Variants in SLC25A42 observed in about 807,000 individuals in gnomAD.
SLC25A42 encodes solute carrier family 25 member 42, also known as mitochondrial coenzyme A transporter SLC25A42.
A neutral mutation model predicts 34.7 loss-of-function variants in SLC25A42; 19 were observed. The ratio of observed to expected loss-of-function variants is 0.55; its 90% CI spans 0.38 to 0.80. The LOEUF (loss-of-function observed/expected upper bound fraction) is 0.80, where lower values mean the gene tolerates loss of function less well. Ranked by LOEUF, SLC25A42 falls within the 30% of genes least tolerant of loss-of-function variation. The pLI, the probability that SLC25A42 is intolerant of heterozygous loss-of-function variation, is 0.00. For missense variants in SLC25A42, 364 were observed against 441.3 expected (o/e 0.82, Z 1.57); for synonymous variants, 205 against 191.2 (o/e 1.07, Z -0.59).
chr19:19,073,140 T>G (rs575353102), intron 1 of SLC25A42, among the ~76,000 whole-genome samples: 17 of 152,306 alleles, frequency 1.1e-4, no homozygotes, highest in Admixed American at 3.3e-4. Context: ...TGGTGCATTC[T>G]TGCTGCTGTG....
rs540710174 is a variant in SLC25A42, at chr19:19,093,233, C to A, written c.-34-2858C>A. 2.6e-5 allele frequency among the ~76,000 whole-genome samples: 4 copies of A among 152,276 alleles called. No homozygotes were observed. In the East Asian group the frequency reaches 7.7e-4, roughly 29 times the overall value. On this transcript the variant is annotated intron_variant, in intron 1 of 7. Transcript: ENST00000318596. ...GTCTCACTATGTTGCCCAGGCTTGTCTCAAACTCCTGGGCTCAAGCGATCC... is the reference window on the plus strand; with the variant it reads ...GTCTCACTATGTTGCCCAGGCTTGTATCAAACTCCTGGGCTCAAGCGATCC...
Position 19,110,850 on chromosome 19 carries a change from A to G in SLC25A42, c.931A>G (p.Ile311Val). 6.2e-7 allele frequency: 1 copy of G among 1,613,894 alleles called. No individual in the cohort carries two copies. Among genetic ancestry groups the G allele is most frequent in the East Asian group, 2.2e-5 (1 of 44,864 alleles). ...ISFTTFDLMQ[I>V]LLRHLQS ...CTTCACCACCTTCGACCTCATGCAG[A>G]TCCTGCTGCGGCACCTGCAGAGCTA... Residue 311 changes from isoleucine to valine, a missense_variant, in exon 8 of 8, where the codon ATC becomes GTC. Coordinates refer to ENST00000318596, the MANE Select transcript of SLC25A42 (RefSeq NM_178526.5).
chr19:19,076,313 T>C (rs1178891712), intron 1 of SLC25A42, among the ~76,000 whole-genome samples: 1 of 148,526 alleles, frequency 6.7e-6, no homozygotes, highest in Non-Finnish European at 1.5e-5. Flanking sequence ...AAAAAAAAAA[T>C]ACAAAAATTG....
intron 1 of SLC25A42, among the ~76,000 whole-genome samples, chr19:19,088,911 G>A (rs1411375643): frequency 2.6e-5 from 4 of 151,738 alleles, no homozygotes; most frequent in East Asian, 1.9e-4. Flanking sequence ...GGGTTCAAGC[G>A]ATTCTTCTGC....
chr19:19,097,525 C>T (rs1309728752), intron 2 of SLC25A42, among the ~76,000 whole-genome samples: 1 of 152,278 alleles, frequency 6.6e-6, no homozygotes, highest in African/African-American at 2.4e-5. Context: ...CAGAAATGCG[C>T]CAGTGCTGGT....
intron 2 of SLC25A42, 58 bp downstream of exon 2, chr19:19,096,263 C>G: frequency 7.1e-7 from 1 of 1,407,510 alleles, no homozygotes; most frequent in Non-Finnish European, 9.8e-7. Flanking sequence ...CTCCCCACCC[C>G]CCCTCCCAGG....
At chr19:19,099,058 G>T (rs2059780892) in intron 2 of SLC25A42, among the ~76,000 whole-genome samples, 1 of 152,192 alleles carries the variant, frequency 6.6e-6, no homozygotes, top group Non-Finnish European at 1.5e-5. Context: ...ATTCCAGAGG[G>T]GAGCAGCTGG....
intron 1 of SLC25A42, among the ~76,000 whole-genome samples, chr19:19,069,074 T>C (rs914718364): frequency 1.3e-5 from 2 of 151,200 alleles, no homozygotes; most frequent in Non-Finnish European, 3.0e-5. Flanking sequence ...AGAAAGAAGA[T>C]TTAACCAATA....
At chr19:19,096,766 G>A (rs750965644) in intron 2 of SLC25A42, among the ~76,000 whole-genome samples, 26 of 151,978 alleles carry the variant, frequency 1.7e-4, no homozygotes, top group Middle Eastern at 3.4e-3. Flanking sequence ...GTGAAACCCC[G>A]TCTCTACTAA....
In SLC25A42 at chr19:19,064,050, A is replaced by AGGGGGCGCG. The variant is rs1161660026; in HGVS notation, c.-91_-83dup. 22 of 152,128 alleles carry AGGGGGCGCG rather than the reference A, an allele frequency of 1.4e-4. No individual in the cohort carries two copies. Among genetic ancestry groups the AGGGGGCGCG allele is most frequent in the Non-Finnish European group, 2.9e-4 (20 of 68,260 alleles). The allele number at this position is 152,128 out of a possible 1,614,324, so 9.4% of individuals were successfully genotyped here. A position where few individuals can be genotyped will look rare whatever the true frequency, so the allele number is the denominator to read the frequency against. On this transcript the variant is annotated 5_prime_UTR_variant, in exon 1 of 8. Coordinates refer to ENST00000318596, the MANE Select transcript of SLC25A42 (RefSeq NM_178526.5). ...CGGCGGCGACGCGTCCGGGCCGGTG[A>AGGGGGCGCG]GGGGGCGCGGGGGGCGCCGGGGGGG...
At chr19:19,084,303 G>A (rs1450605809) in intron 1 of SLC25A42, among the ~76,000 whole-genome samples, 9 of 152,204 alleles carry the variant, frequency 5.9e-5, no homozygotes, top group Admixed American at 4.6e-4. Flanking sequence ...CTCTGACATA[G>A]GTATATCCAG....
At chr19:19,065,339 TAA>T (rs1306461269) in intron 1 of SLC25A42, among the ~76,000 whole-genome samples, 2 of 152,152 alleles carry the variant, frequency 1.3e-5, no homozygotes, top group Non-Finnish European at 2.9e-5. Flanking sequence ...TTGAAGCCGA[TAA>T]AGAGTAAGGA....
In SLC25A42 at chr19:19,105,725, A is replaced by C; in HGVS notation, c.378A>C (p.Gly126=). 6.4e-7 allele frequency: 1 copy of C among 1,564,160 alleles called. No homozygotes were observed. Among genetic ancestry groups the C allele is most frequent in the Non-Finnish European group, 8.7e-7 (1 of 1,151,226 alleles). The change falls in exon 5 of 8, where the codon GGA becomes GGC. Residue 126 remains glycine, a splice_region_variant and synonymous_variant. Transcript: ENST00000318596. The part of the protein sequence containing the change: ...RILGSYYGFR[G]EALPPWPRLF... ...TGGGCAGCTACTATGGCTTCCGTGGAGAGTGAGGCCCCGCCCCGCCCTGCC... is the reference window on the plus strand; with the variant it reads ...TGGGCAGCTACTATGGCTTCCGTGGCGAGTGAGGCCCCGCCCCGCCCTGCC...
intron 1 of SLC25A42, among the ~76,000 whole-genome samples, chr19:19,068,347 T>C (rs1199983311): frequency 7.4e-6 from 1 of 135,116 alleles, no homozygotes; most frequent in Non-Finnish European, 1.6e-5. Context: ...AGAGCGAGAC[T>C]CTGTCTCAAA....
chr19:19,083,576 T>G (rs549959299), intron 1 of SLC25A42, among the ~76,000 whole-genome samples: 1 of 152,316 alleles, frequency 6.6e-6, no homozygotes, highest in Non-Finnish European at 1.5e-5. Flanking sequence ...ATTCAGCCTC[T>G]TCTGGGGCTC....
At position 19,096,349 on chromosome 19, in the gene SLC25A42, C is replaced by T. The variant is rs920157492; in HGVS notation, c.81+144C>T. ...GATTCCTCTGCTGTGCTCCATGCAG[C>T]CCATCACAAATCACCCTGTACCTAG... On this transcript the variant is annotated intron_variant, in intron 2 of 7. Transcript: ENST00000318596. 36 of 642,776 alleles carry T rather than the reference C, an allele frequency of 5.6e-5. 1 individual carries two copies. The highest frequency in any genetic ancestry group is 1.1e-4 in the Admixed American group (4 of 35,652). 39.8% of individuals were successfully genotyped at this position (642,776 alleles called of 1,614,324 possible). A position where few individuals can be genotyped will look rare whatever the true frequency, so the allele number is the denominator to read the frequency against.
chr19:19,074,466 G>A (rs1224847267), intron 1 of SLC25A42, among the ~76,000 whole-genome samples: 1 of 152,126 alleles, frequency 6.6e-6, no homozygotes, highest in Middle Eastern at 3.2e-3. Context: ...TCCATTTCAC[G>A]GCTGCTTATA....
intron 1 of SLC25A42, 106 bp from the exon 2 acceptor site, chr19:19,095,985 C>G: frequency 1.3e-6 from 1 of 758,170 alleles, no homozygotes; most frequent in Non-Finnish European, 2.3e-6. Flanking sequence ...TTGAGGGCAT[C>G]CCTCCCCACG....
At chr19:19,090,435 A>C (rs4808183) in intron 1 of SLC25A42, among the ~76,000 whole-genome samples, 126,484 of 151,762 alleles carry the variant, frequency 0.83, 52,814 homozygotes, top group East Asian at 0.89. Flanking sequence ...GCCCTTTATA[A>C]GGAAACAAAG....
Sources: gnomAD v4.1 joint callset for allele counts (sites outside exome capture counted in the v4.1 genomes callset) on GRCh38, gnomAD v4.1.1 for gene constraint, MANE v1.5 for transcripts, NCBI Gene and HGNC (gene_info 2026-07-23, HGNC 2026-07-21) for gene names.